Variants in RIOX2 observed in about 807,000 individuals in gnomAD.
The protein encoded by RIOX2 is ribosomal oxygenase 2.
Under a neutral mutation model 51.2 loss-of-function variants are expected in RIOX2, and 43 were observed. The observed-to-expected ratio is 0.84, with a 90% CI of 0.66 to 1.08. The LOEUF is 1.08. RIOX2 is among the 50% of genes least tolerant of loss of function. The pLI, the probability that RIOX2 is intolerant of heterozygous loss-of-function variation, is 0.00. For missense variants in RIOX2, 566 were observed against 561.7 expected (o/e 1.01, Z -0.08); for synonymous variants, 226 against 218.5 (o/e 1.03, Z -0.30).
intron 4 of RIOX2, among the ~76,000 whole-genome samples, chr3:97,958,627 C>A (rs965131235): frequency 6.6e-6 from 1 of 151,962 alleles, no homozygotes; most frequent in South Asian, 2.1e-4. Context: ...GCAACAACAA[C>A]AAAAAAAACT....
At chr3:97,947,728 G>A (rs1400602122) in intron 7 of RIOX2, among the ~76,000 whole-genome samples, 1 of 152,180 alleles carries the variant, frequency 6.6e-6, no homozygotes, top group East Asian at 1.9e-4. Flanking sequence ...TCGAAGTACA[G>A]TGGCTATCAT....
intron 4 of RIOX2, among the ~76,000 whole-genome samples, chr3:97,957,180 C>T (rs1249514966): frequency 2.0e-5 from 3 of 151,748 alleles, no homozygotes; most frequent in Non-Finnish European, 2.9e-5. Flanking sequence ...CACAAGGTTT[C>T]GCCTGAAGAG....
chr3:97,967,142 G>C lies in RIOX2; in HGVS notation c.432+20C>G. The C allele has an allele frequency of 6.2e-7, 1 of 1,603,446 alleles. No individual in the cohort carries two copies. The highest frequency in any genetic ancestry group is 8.5e-7 in the Non-Finnish European group (1 of 1,174,636). On this transcript the variant is annotated intron_variant, in intron 2 of 9. Coordinates refer to ENST00000394198, the MANE Select transcript of RIOX2 (RefSeq NM_153182.4). ...GTACTTTAAAATGTATGAGGATTCT[G>C]CAATGGGGAAACTGGTTACCTTAAA...
chr3:97,947,334 G>C (rs758326348), intron 8 of RIOX2, 27 bp downstream of exon 8: 11 of 1,566,424 alleles, frequency 7.0e-6, no homozygotes, highest in Non-Finnish European at 8.7e-6. Context: ...TGAGAAGACA[G>C]GAAATCTCCT....
rs778584833 is a variant in RIOX2 at position 97,967,451 on chromosome 3, G to A, written c.143C>T (p.Pro48Leu). The A allele has an allele frequency of 6.2e-7, 1 of 1,614,018 alleles. No homozygotes were observed. The highest frequency in any genetic ancestry group is 1.3e-5 in the African/African-American group (1 of 74,886). ...CTTGAAAAAAGTCTCTGTCTTGATG[G>A]GCGAGATTAAACTTTCAAAGAGACT... ...PSSLFESLISPIKTETFFKEF... is the reference protein window; with the variant it reads ...PSSLFESLISLIKTETFFKEF... Residue 48 changes from proline (P) to leucine (L), a missense_variant, in exon 2 of 10, where the codon CCC becomes CTC. Coordinates refer to ENST00000394198, the MANE Select transcript of RIOX2 (RefSeq NM_153182.4).
Position 97,954,425 on chromosome 3 carries a change from G to T in RIOX2, c.752C>A (p.Ser251Tyr). 11 of 1,613,936 alleles carry T rather than the reference G, an allele frequency of 6.8e-6. No individual in the cohort carries two copies. Among genetic ancestry groups the T allele is most frequent in the Non-Finnish European group, 9.3e-6 (11 of 1,179,806 alleles). The change falls in exon 5 of 10, where the codon TCT becomes TAT. Residue 251 changes from serine to tyrosine, a missense_variant. Coordinates refer to ENST00000394198, the MANE Select transcript of RIOX2 (RefSeq NM_153182.4). ...GTAGGTGCTGATGGTCACGTGAGTA[G>T]AGTGGGCCAGCCCCGCAGGAGTGTC... is the stretch of plus-strand genomic sequence containing the variant. ...QADTPAGLAHSTHVTISTYQN... is the reference protein window; with the variant it reads ...QADTPAGLAHYTHVTISTYQN...
chr3:97,955,958 C>T (rs1705435072), intron 4 of RIOX2, among the ~76,000 whole-genome samples: 1 of 152,056 alleles, frequency 6.6e-6, no homozygotes, highest in East Asian at 1.9e-4. Context: ...ACAGTATAAA[C>T]AATAATAAAT....
intron 4 of RIOX2, among the ~76,000 whole-genome samples, chr3:97,954,753 G>A (rs111636582): frequency 0.01 from 1,578 of 152,212 alleles, 15 homozygotes; most frequent in Middle Eastern, 0.02. Flanking sequence ...TTCTCAAGCT[G>A]AGACTAGACT....
Position 97,942,373 on chromosome 3 carries a change from G to T in RIOX2, c.*2811C>A. 1 of 1,611,892 alleles carries T rather than the reference G, an allele frequency of 6.2e-7. No homozygotes were observed. Among genetic ancestry groups the T allele is most frequent in the Non-Finnish European group, 8.5e-7 (1 of 1,178,542 alleles). The stretch of plus-strand genomic sequence containing the variant: ...GGACTGAACATGGGCAATTCAGGCA[G>T]AAGTGGAGACTGAATAAAAATGGAA... On this transcript the variant is annotated 3_prime_UTR_variant, in exon 10 of 10. Coordinates refer to ENST00000394198, the MANE Select transcript of RIOX2 (RefSeq NM_153182.4).
At chr3:97,947,482 CA>C (rs1401362740) in intron 7 of RIOX2, 33 bp from the exon 8 acceptor site, 2 of 1,565,140 alleles carry the variant, frequency 1.3e-6, no homozygotes, top group Non-Finnish European at 1.8e-6. Flanking sequence ...AGCCGACCTT[CA>C]AAAAAGGAAA....
chr3:97,964,553 G>A (rs1324960915), intron 2 of RIOX2, among the ~76,000 whole-genome samples: 7 of 151,350 alleles, frequency 4.6e-5, no homozygotes, highest in East Asian at 1.9e-4. Context: ...AAAATTAGCC[G>A]GGCATAGTGG....
At chr3:97,969,598 G>T (rs1329428117) in intron 1 of RIOX2, among the ~76,000 whole-genome samples, 2 of 152,194 alleles carry the variant, frequency 1.3e-5, no homozygotes, top group Non-Finnish European at 2.9e-5. Context: ...ACCAACACCT[G>T]CTTTCCTCTG....
chr3:97,943,074 C>T lies in RIOX2; in HGVS notation c.*2110G>A. The T allele has an allele frequency of 1.7e-6, 1 of 596,804 alleles. No homozygotes were observed. Among genetic ancestry groups the T allele is most frequent in the South Asian group, 2.1e-5 (1 of 47,570 alleles). The allele number at this position is 596,804 out of a possible 1,614,324, so 37.0% of individuals were successfully genotyped here. A position where few individuals can be genotyped will look rare whatever the true frequency, so the allele number is the denominator to read the frequency against. ...CAATTTGAGGTGAATAATGGCTAAG[C>T]CTGTTCAAACTCAGCTTCCCATTTC... On this transcript the variant is annotated 3_prime_UTR_variant, in exon 10 of 10. Coordinates refer to ENST00000394198, the MANE Select transcript of RIOX2 (RefSeq NM_153182.4).
At chr3:97,951,074 C>CGGT in intron 5 of RIOX2, 186 bp from the exon 6 acceptor site, 1 of 545,138 alleles carries the variant, frequency 1.8e-6, no homozygotes, top group Non-Finnish European at 3.3e-6. Flanking sequence ...ATCAACCACC[C>CGGT]TGTTTCCTCC....
At position 97,942,926 on chromosome 3, in the gene RIOX2, T is replaced by C. The variant is rs2040264330; in HGVS notation, c.*2258A>G. 1 of 313,674 alleles carries C rather than the reference T, an allele frequency of 3.2e-6. No individual in the cohort carries two copies. Among genetic ancestry groups the C allele is most frequent in the Non-Finnish European group, 5.7e-6 (1 of 174,246 alleles). The allele number at this position is 313,674 out of a possible 1,614,324, so 19.4% of individuals were successfully genotyped here. A position where few individuals can be genotyped will look rare whatever the true frequency, so the allele number is the denominator to read the frequency against. ...TGTTGGTGTAGAAACAAAAACACAG[T>C]ACCTGACATTCAGCCAGAGTTCTCT... On this transcript the variant is annotated 3_prime_UTR_variant, in exon 10 of 10. Coordinates refer to ENST00000394198, the MANE Select transcript of RIOX2 (RefSeq NM_153182.4).
chr3:97,949,998 A>G lies in RIOX2; in HGVS notation c.906T>C (p.Thr302=), dbSNP rs746102124. The change falls in exon 7 of 10, where the codon ACT becomes ACC. Residue 302 remains threonine, a synonymous_variant. Coordinates refer to ENST00000394198, the MANE Select transcript of RIOX2 (RefSeq NM_153182.4). ...RQLLLQVEST[T]VATRRLSGFL... ...AGCCACTTAATCGTCTTGTAGCAAC[A>G]GTTGTGGATTCCACCTGCTAGGAAC... The G allele has an allele frequency of 1.9e-6, 3 of 1,613,668 alleles. No individual in the cohort carries two copies. In the South Asian group the frequency reaches 3.3e-5, roughly 18 times the overall value.
chr3:97,959,895 CAAACTT>C (rs1705612515), intron 3 of RIOX2, among the ~76,000 whole-genome samples: 1 of 152,106 alleles, frequency 6.6e-6, no homozygotes, highest in African/African-American at 2.4e-5. Context: ...GAAATGTAAA[CAAACTT>C]AAAGATGCAA....
chr3:97,963,421 T>C (rs1046503048), intron 2 of RIOX2, among the ~76,000 whole-genome samples: 5 of 152,202 alleles, frequency 3.3e-5, no homozygotes, highest in Non-Finnish European at 2.9e-5. Flanking sequence ...AGCCATGGAT[T>C]TAGCCAAGGA....
chr3:97,944,199 T>G lies in RIOX2; in HGVS notation c.*985A>C, dbSNP rs2040298438. 6.6e-6 allele frequency: 1 copy of G among 151,760 alleles called. No homozygotes were observed. Among genetic ancestry groups the G allele is most frequent in the African/African-American group, 2.4e-5 (1 of 41,360 alleles). The allele number at this position is 151,760 out of a possible 1,614,324, so 9.4% of individuals were successfully genotyped here. A position where few individuals can be genotyped will look rare whatever the true frequency, so the allele number is the denominator to read the frequency against. ...ACCTTGACCTTACCATCTCTTTAAGTAAACGTGGAGTTGATTTCTCTACTA... is the reference window on the plus strand; with the variant it reads ...ACCTTGACCTTACCATCTCTTTAAGGAAACGTGGAGTTGATTTCTCTACTA... On this transcript the variant is annotated 3_prime_UTR_variant, in exon 10 of 10. Transcript: ENST00000394198.
Sources: allele counts gnomAD v4.1 joint callset (sites outside exome capture counted in the v4.1 genomes callset), GRCh38; gene constraint gnomAD v4.1.1; transcripts MANE v1.5; gene names NCBI Gene and HGNC (gene_info 2026-07-23, HGNC 2026-07-21).